CSMD3: variants seen among roughly 807,000 people sequenced by gnomAD.
The protein encoded by CSMD3 is CUB and sushi domain-containing protein 3.
A neutral mutation model predicts 435.2 loss-of-function variants in CSMD3; 177 were observed. The observed-to-expected ratio is 0.41, with a 90% CI of 0.36 to 0.46. CSMD3 has a LOEUF of 0.46. Among genes scored for constraint, CSMD3 ranks in the 20% least tolerant of loss-of-function variants. The pLI, the probability that CSMD3 is intolerant of heterozygous loss-of-function variation, is 0.34. For synonymous variants in CSMD3, 1,656 were observed against 1,520.5 expected, an observed-to-expected ratio of 1.09 and a Z score of -2.07; for missense variants, 4,265 against 4,504.6, an observed-to-expected ratio of 0.95 and a Z score of 1.52.
chr8:112,979,647 G>A (rs957609742), intron 6 of CSMD3, among the ~76,000 whole-genome samples: 15 of 151,404 alleles, frequency 9.9e-5, no homozygotes, highest in South Asian at 6.2e-4. Context: ...AAAAAATTAA[G>A]TATGCTACAC....
chr8:112,823,268 C>T (rs1427567316), intron 12 of CSMD3, among the ~76,000 whole-genome samples: 5 of 152,232 alleles, frequency 3.3e-5, no homozygotes, highest in African/African-American at 1.2e-4. Flanking sequence ...TGGTCCTGGG[C>T]TTTTTCTGGT....
At chr8:113,188,063 A>G (rs2092534101) in intron 3 of CSMD3, among the ~76,000 whole-genome samples, 1 of 151,980 alleles carries the variant, frequency 6.6e-6, no homozygotes, top group Admixed American at 6.6e-5. Flanking sequence ...CACCTTCTCC[A>G]TAAAGCCTTT....
intron 5 of CSMD3, among the ~76,000 whole-genome samples, chr8:113,043,680 T>C (rs922679065): frequency 1.8e-4 from 28 of 152,244 alleles, no homozygotes; most frequent in Admixed American, 1.7e-3. Context: ...AATAAGAATA[T>C]AGTGAAAGTC....
intron 7 of CSMD3, among the ~76,000 whole-genome samples, chr8:112,970,492 T>C (rs569180356): frequency 2.6e-5 from 4 of 151,794 alleles, no homozygotes; most frequent in African/African-American, 7.2e-5. Context: ...ACTAGATATA[T>C]ATCCGTTATC....
At chr8:112,410,700 GTGTATATATATATATGTATATA>G (rs1811226980) in intron 32 of CSMD3, among the ~76,000 whole-genome samples, 3 of 125,028 alleles carry the variant, frequency 2.4e-5, no homozygotes, top group Admixed American at 8.8e-5. Context: ...ATATATATAT[GTGTATATATATATATGTATATA>G]TATAGGAAAG....
intron 6 of CSMD3, among the ~76,000 whole-genome samples, chr8:113,009,687 G>T (rs911522768): frequency 2.6e-5 from 4 of 151,720 alleles, no homozygotes; most frequent in Non-Finnish European, 5.9e-5. Flanking sequence ...ATGAAATAAG[G>T]TTATGTTCTT....
chr8:113,039,481 A>T (rs746415300), intron 5 of CSMD3, among the ~76,000 whole-genome samples: 33 of 152,208 alleles, frequency 2.2e-4, no homozygotes, highest in Middle Eastern at 6.3e-3. Context: ...CCTTGCATAC[A>T]TATGCACAAA....
intron 31 of CSMD3, among the ~76,000 whole-genome samples, chr8:112,491,283 G>C (rs1820663858): frequency 6.6e-6 from 1 of 152,022 alleles, no homozygotes; most frequent in Non-Finnish European, 1.5e-5. Context: ...AATGCATGCA[G>C]GTAAATATAT....
At chr8:113,080,363 A>G (rs1263688867) in intron 5 of CSMD3, among the ~76,000 whole-genome samples, 1 of 152,172 alleles carries the variant, frequency 6.6e-6, no homozygotes, top group African/African-American at 2.4e-5. Context: ...TGTGGATGTA[A>G]CTACTGAAGC....
chr8:113,368,874 G>C (rs1223854218), intron 1 of CSMD3, among the ~76,000 whole-genome samples: 1 of 151,886 alleles, frequency 6.6e-6, no homozygotes, highest in Non-Finnish European at 1.5e-5. Flanking sequence ...ATGTTTTCTG[G>C]GGAAAATATC....
chr8:113,330,767 T>C (rs560591837), intron 1 of CSMD3, among the ~76,000 whole-genome samples: 4 of 151,954 alleles, frequency 2.6e-5, no homozygotes, highest in Non-Finnish European at 5.9e-5. Flanking sequence ...CCTAACAGAT[T>C]CTCAAAATAC....
intron 10 of CSMD3, 84 bp downstream of exon 10, chr8:112,921,543 A>T (rs2130628405): frequency 8.7e-7 from 1 of 1,145,158 alleles, no homozygotes; most frequent in Non-Finnish European, 1.3e-6. Flanking sequence ...ATTACAATTC[A>T]AAGACTTAAT....
intron 3 of CSMD3, among the ~76,000 whole-genome samples, chr8:113,182,872 CTGTTGTTGTTGT>C (rs71281205): frequency 7.3e-6 from 1 of 136,898 alleles, no homozygotes; most frequent in Non-Finnish European, 1.7e-5. Flanking sequence ...TTTGTTGTTG[CTGTTGTTGTTGT>C]TGTTGTTGTT....
intron 31 of CSMD3, among the ~76,000 whole-genome samples, chr8:112,490,012 G>A (rs1820531097): frequency 6.6e-6 from 1 of 152,048 alleles, no homozygotes; most frequent in South Asian, 2.1e-4. Flanking sequence ...ATATTAAAAT[G>A]ACAGAAGTAT....
intron 9 of CSMD3, among the ~76,000 whole-genome samples, chr8:112,933,882 G>A (rs149732625): frequency 2.6e-5 from 4 of 152,186 alleles, no homozygotes; most frequent in Non-Finnish European, 4.4e-5. Context: ...CTAGCATCTA[G>A]TTGAGGAGAG....
chr8:113,165,513 A>C (rs1302389002), intron 4 of CSMD3, among the ~76,000 whole-genome samples: 2 of 152,180 alleles, frequency 1.3e-5, no homozygotes, highest in East Asian at 3.9e-4. Flanking sequence ...AATTTGTGTA[A>C]GCAATGAAGA....
chr8:113,180,139 G>C (rs192381281), intron 3 of CSMD3, among the ~76,000 whole-genome samples: 242 of 152,032 alleles, frequency 1.6e-3, no homozygotes, highest in African/African-American at 5.7e-3. Context: ...ACTTCTTAGA[G>C]AAAATTAATC....
chr8:112,839,657 G>A (rs2080125302), intron 11 of CSMD3, among the ~76,000 whole-genome samples: 1 of 151,336 alleles, frequency 6.6e-6, no homozygotes, highest in African/African-American at 2.4e-5. Flanking sequence ...TGTTAAGAAG[G>A]GCTCTTTTTC....
At position 112,871,830 on chromosome 8, in the gene CSMD3, T is replaced by C. The variant is rs188827373; in HGVS notation, c.1634-12564A>G. On this transcript the variant is annotated intron_variant, in intron 10 of 70. Coordinates refer to ENST00000297405, the MANE Select transcript of CSMD3 (RefSeq NM_198123.2). ...AAGTTATACCCAAAGTTATGTTTACTACATTATGGTGAAATGAAATCCTAC... is the reference window on the plus strand; with the variant it reads ...AAGTTATACCCAAAGTTATGTTTACCACATTATGGTGAAATGAAATCCTAC... Among the ~76,000 whole-genome samples, 150 of 152,240 alleles carry C rather than the reference T, an allele frequency of 9.9e-4. 2 individuals carry two copies. The South Asian group carries it at 0.019, about 20-fold the overall frequency.
Sources: allele counts gnomAD v4.1 joint callset (sites outside exome capture counted in the v4.1 genomes callset), GRCh38; gene constraint gnomAD v4.1.1; transcripts MANE v1.5; gene names NCBI Gene and HGNC (gene_info 2026-07-23, HGNC 2026-07-21).